Variants in REC114 observed in about 807,000 individuals in gnomAD.
The protein encoded by REC114 is meiotic recombination protein REC114.
In REC114, 27 loss-of-function variants were observed where a neutral mutation model predicts 31.3. That is an observed-to-expected ratio of 0.86 (90% CI 0.64 to 1.19). REC114 has a LOEUF of 1.19. Among genes scored for constraint, REC114 ranks in the 50% most tolerant of loss-of-function variants. The pLI, the probability that REC114 is intolerant of heterozygous loss-of-function variation, is 0.00. For synonymous variants in REC114, 134 were observed against 127.7 expected (o/e 1.05, Z -0.33); for missense variants, 344 against 326.9 (o/e 1.05, Z -0.40).
chr15:73,542,547 A>G (rs1165923414), intron 3 of REC114, among the ~76,000 whole-genome samples: 1 of 152,010 alleles, frequency 6.6e-6, no homozygotes, highest in Non-Finnish European at 1.5e-5. Context: ...CCACTTTCCT[A>G]TATAGCTCTC....
intron 2 of REC114, among the ~76,000 whole-genome samples, chr15:73,528,559 C>T (rs1055886271): frequency 1.3e-5 from 2 of 152,164 alleles, no homozygotes; most frequent in African/African-American, 4.8e-5. Flanking sequence ...GCACACAATG[C>T]GTGGGACACA....
At chr15:73,546,591 A>C (rs1304012170) in intron 3 of REC114, among the ~76,000 whole-genome samples, 1 of 152,080 alleles carries the variant, frequency 6.6e-6, no homozygotes, top group African/African-American at 2.4e-5. Context: ...TTTTACATAT[A>C]CACACACAAT....
chr15:73,452,507 A>T (rs1186237280), intron 1 of REC114, among the ~76,000 whole-genome samples: 3 of 152,256 alleles, frequency 2.0e-5, no homozygotes, highest in African/African-American at 7.2e-5. Flanking sequence ...ATGGGAAAAC[A>T]TTCCATGCTC....
At chr15:73,474,872 G>A (rs778173171) in intron 2 of REC114, among the ~76,000 whole-genome samples, 1 of 152,080 alleles carries the variant, frequency 6.6e-6, no homozygotes, top group Non-Finnish European at 1.5e-5. Flanking sequence ...TCATATTTCC[G>A]CTTAAATATA....
intron 1 of REC114, among the ~76,000 whole-genome samples, chr15:73,453,131 A>G (rs1233007714): frequency 1.3e-5 from 2 of 152,230 alleles, no homozygotes; most frequent in African/African-American, 2.4e-5. Flanking sequence ...AAATTGACAA[A>G]TGGGATCTAA....
chr15:73,507,379 A>T (rs74026204), intron 2 of REC114, among the ~76,000 whole-genome samples: 4,710 of 152,224 alleles, frequency 0.031, 125 homozygotes, highest in African/African-American at 0.073. Context: ...TTTAAAGCTC[A>T]TCAGCTATCG....
chr15:73,461,514 T>C (rs1441197322), intron 1 of REC114, among the ~76,000 whole-genome samples: 1 of 152,202 alleles, frequency 6.6e-6, no homozygotes, highest in Non-Finnish European at 1.5e-5. Flanking sequence ...AGATATAATT[T>C]AGGGTAAGCA....
intron 2 of REC114, among the ~76,000 whole-genome samples, chr15:73,514,410 C>A (rs962919108): frequency 1.3e-5 from 2 of 151,986 alleles, no homozygotes; most frequent in African/African-American, 4.8e-5. Context: ...TCTTCTGCGT[C>A]GCTCACGCTG....
chr15:73,525,694 C>G (rs1893996741), intron 2 of REC114, among the ~76,000 whole-genome samples: 1 of 152,038 alleles, frequency 6.6e-6, no homozygotes, highest in South Asian at 2.1e-4. Flanking sequence ...AAAGCCTACT[C>G]TATAGTATTT....
intron 2 of REC114, among the ~76,000 whole-genome samples, chr15:73,523,677 T>C (rs1189024190): frequency 2.0e-5 from 3 of 152,232 alleles, no homozygotes; most frequent in African/African-American, 4.8e-5. Flanking sequence ...ACGTTGCCTT[T>C]GGAAGAGCTG....
At chr15:73,464,731 T>C (rs1278096314) in intron 1 of REC114, among the ~76,000 whole-genome samples, 2 of 152,160 alleles carry the variant, frequency 1.3e-5, no homozygotes, top group Non-Finnish European at 2.9e-5. Flanking sequence ...TTCTAGGGAC[T>C]AGGCTCTCTC....
At chr15:73,541,396 C>T (rs769227014) in intron 3 of REC114, among the ~76,000 whole-genome samples, 2 of 152,086 alleles carry the variant, frequency 1.3e-5, no homozygotes, top group South Asian at 2.1e-4. Context: ...CTCATCACTA[C>T]CTCAAAATTA....
At chr15:73,455,124 T>C (rs80306514) in intron 1 of REC114, among the ~76,000 whole-genome samples, 1 of 152,046 alleles carries the variant, frequency 6.6e-6, no homozygotes, top group Non-Finnish European at 1.5e-5. Context: ...ATTTTTTTTT[T>C]GGAAAAAACG....
chr15:73,548,328 C>G (rs1401570550), intron 3 of REC114, among the ~76,000 whole-genome samples: 1 of 152,168 alleles, frequency 6.6e-6, no homozygotes. Context: ...AGGATGGCCT[C>G]GATCTCTTGA....
At chr15:73,552,090 G>C (rs983061605) in intron 4 of REC114, among the ~76,000 whole-genome samples, 3 of 152,216 alleles carry the variant, frequency 2.0e-5, no homozygotes, top group Non-Finnish European at 4.4e-5. Context: ...CTATTCAAAA[G>C]TGTAAGATAG....
chr15:73,487,477 G>A (rs978539877), intron 2 of REC114, among the ~76,000 whole-genome samples: 1 of 152,230 alleles, frequency 6.6e-6, no homozygotes, highest in African/African-American at 2.4e-5. Flanking sequence ...AGAAGAAATG[G>A]TTAGGAAGAA....
chr15:73,531,468 A>G (rs1199383231), intron 2 of REC114, among the ~76,000 whole-genome samples: 2 of 152,204 alleles, frequency 1.3e-5, no homozygotes, highest in African/African-American at 4.8e-5. Flanking sequence ...TTTATAATGC[A>G]TGAAAAGCAA....
intron 1 of REC114, among the ~76,000 whole-genome samples, chr15:73,472,664 T>A (rs1026090283): frequency 6.6e-6 from 1 of 152,170 alleles, no homozygotes; most frequent in Non-Finnish European, 1.5e-5. Flanking sequence ...GCCACCTATA[T>A]AGTATAGTCA....
chr15:73,551,188 A>G, intron 4 of REC114, 38 bp downstream of exon 4: 1 of 1,545,766 alleles, frequency 6.5e-7, no homozygotes, highest in Middle Eastern at 2.1e-4. Flanking sequence ...AGGAAACATG[A>G]CAATGCAGTG....
Sources: gnomAD v4.1 joint callset for allele counts (sites outside exome capture counted in the v4.1 genomes callset) on GRCh38, gnomAD v4.1.1 for gene constraint, MANE v1.5 for transcripts, NCBI Gene and HGNC (gene_info 2026-07-23, HGNC 2026-07-21) for gene names.